Variants in TBC1D19 observed in about 807,000 individuals in gnomAD.
TBC1D19 encodes TBC1 domain family member 19.
TBC1D19 carries 60 observed loss-of-function variants against 89.0 expected under a neutral mutation model. The observed-to-expected ratio is 0.67, with a 90% CI of 0.55 to 0.84. TBC1D19 has a LOEUF of 0.84. Among genes scored for constraint, TBC1D19 ranks in the 40% least tolerant of loss-of-function variants. TBC1D19 has a pLI of 0.00. For missense variants in TBC1D19, 500 were observed against 610.8 expected (o/e 0.82, Z 1.91); for synonymous variants, 189 against 199.7 (o/e 0.95, Z 0.45).
At chr4:26,715,584 C>T (rs1290116758) in intron 13 of TBC1D19, among the ~76,000 whole-genome samples, 1 of 152,080 alleles carries the variant, frequency 6.6e-6, no homozygotes, top group Non-Finnish European at 1.5e-5. Context: ...ATGAAACCCT[C>T]AGCCAATGCT....
At chr4:26,817,517 G>A in the TBC1D19 span, among the ~76,000 whole-genome samples, 47 of 152,264 alleles carry the variant, frequency 3.1e-4, no homozygotes, top group African/African-American at 1.1e-3. Context: ...CATCTGTGAA[G>A]CTAGGCAGTC....
At chr4:26,804,631 C>T in the TBC1D19 span, among the ~76,000 whole-genome samples, 2 of 152,120 alleles carry the variant, frequency 1.3e-5, no homozygotes, top group Non-Finnish European at 2.9e-5. Context: ...CCCCACCGGG[C>T]GCAGCCCAGG....
At chr4:26,817,981 A>AAAATATATATAT in the TBC1D19 span, among the ~76,000 whole-genome samples, 16 of 126,046 alleles carry the variant, frequency 1.3e-4, no homozygotes, top group African/African-American at 5.9e-4. Flanking sequence ...AAAAAAAAAA[A>AAAATATATATAT]ATATATATAT....
intron 4 of TBC1D19, among the ~76,000 whole-genome samples, chr4:26,622,616 T>G (rs1181163874): frequency 6.6e-6 from 1 of 152,160 alleles, no homozygotes; most frequent in Non-Finnish European, 1.5e-5. Flanking sequence ...AAACTAGGAA[T>G]TTTATTTTTA....
chr4:26,630,436 A>G (rs1042304837), intron 4 of TBC1D19, among the ~76,000 whole-genome samples: 12 of 151,986 alleles, frequency 7.9e-5, no homozygotes, highest in Admixed American at 2.0e-4. Context: ...CCATCTATTT[A>G]TTTATTTTGG....
the TBC1D19 span, among the ~76,000 whole-genome samples, chr4:26,798,893 G>C: frequency 1.3e-5 from 2 of 151,964 alleles, no homozygotes; most frequent in African/African-American, 4.8e-5. Flanking sequence ...AGGGTAGAAG[G>C]GGGGATGAGG....
At chr4:26,751,419 A>G (rs1284793663) in intron 19 of TBC1D19, among the ~76,000 whole-genome samples, 1 of 152,264 alleles carries the variant, frequency 6.6e-6, no homozygotes, top group African/African-American at 2.4e-5. Context: ...AACTGCTAAA[A>G]TGCCTGCACT....
intron 4 of TBC1D19, among the ~76,000 whole-genome samples, chr4:26,632,027 G>A (rs1742833810): frequency 6.6e-6 from 1 of 152,022 alleles, no homozygotes; most frequent in East Asian, 1.9e-4. Context: ...ACCTGAATGA[G>A]CTGTTTTTGC....
intron 18 of TBC1D19, among the ~76,000 whole-genome samples, chr4:26,746,232 A>G (rs1029716140): frequency 3.8e-5 from 5 of 131,990 alleles, no homozygotes; most frequent in Non-Finnish European, 8.1e-5. Flanking sequence ...TTGCAGGTCT[A>G]TTTTTTTTTT....
At chr4:26,732,802 C>CTA (rs1228091269) in intron 15 of TBC1D19, among the ~76,000 whole-genome samples, 1 of 152,112 alleles carries the variant, frequency 6.6e-6, no homozygotes, top group Non-Finnish European at 1.5e-5. Flanking sequence ...CGATTTAGAG[C>CTA]ACAGGTGAAG....
chr4:26,616,414 G>C (rs528711068), intron 3 of TBC1D19, among the ~76,000 whole-genome samples: 1 of 152,264 alleles, frequency 6.6e-6, no homozygotes, highest in African/African-American at 2.4e-5. Context: ...TTTTCATATG[G>C]AAGTGCACAT....
chr4:26,826,718 A>G, the TBC1D19 span, among the ~76,000 whole-genome samples: 2 of 152,212 alleles, frequency 1.3e-5, no homozygotes, highest in African/African-American at 4.8e-5. Flanking sequence ...AAGGTCTATA[A>G]CTGTTGGCGA....
rs548289443 is a variant in TBC1D19 at position 26,755,049 on chromosome 4, C to G, written c.*102C>G. 3.7e-5 allele frequency: 38 copies of G among 1,020,868 alleles called. 1 individual carries two copies. In the Middle Eastern group the frequency reaches 1.7e-3, roughly 46 times the overall value. 63.2% of individuals were successfully genotyped at this position (1,020,868 alleles called of 1,614,324 possible). A position where few individuals can be genotyped will look rare whatever the true frequency, so the allele number is the denominator to read the frequency against. ...ACCAAAATGAAACTTTGCATATAAGCCAATAAAGATCATGTTCCCTCTTCA... is the reference window on the plus strand; with the variant it reads ...ACCAAAATGAAACTTTGCATATAAGGCAATAAAGATCATGTTCCCTCTTCA... On this transcript the variant is annotated 3_prime_UTR_variant, in exon 21 of 21. Transcript: ENST00000264866.
intron 15 of TBC1D19, among the ~76,000 whole-genome samples, chr4:26,729,539 G>A (rs1034147039): frequency 1.1e-4 from 16 of 152,218 alleles, no homozygotes; most frequent in African/African-American, 3.9e-4. Flanking sequence ...ATCAGGAAAT[G>A]TTTGTCTGAG....
chr4:26,805,541 T>C, the TBC1D19 span, among the ~76,000 whole-genome samples: 1 of 152,194 alleles, frequency 6.6e-6, no homozygotes, highest in African/African-American at 2.4e-5. Flanking sequence ...TCCTCAGTCC[T>C]CAGTCACTCA....
intron 15 of TBC1D19, among the ~76,000 whole-genome samples, chr4:26,729,680 G>A (rs1717529990): frequency 6.6e-6 from 1 of 152,178 alleles, no homozygotes; most frequent in African/African-American, 2.4e-5. Context: ...AGAGTATGGA[G>A]TTAGGATAGT....
intron 1 of TBC1D19, chr4:26,576,976 T>C (rs1738987636): frequency 7.4e-6 from 3 of 403,180 alleles, no homozygotes; most frequent in Non-Finnish European, 5.0e-6. Context: ...GAAAAACATT[T>C]ACAGTCAGTT....
the TBC1D19 span, among the ~76,000 whole-genome samples, chr4:26,778,512 T>G: frequency 2.6e-5 from 4 of 152,086 alleles, no homozygotes; most frequent in South Asian, 4.2e-4. Context: ...ATTATATAAT[T>G]TATTCAAGAT....
At chr4:26,642,385 A>C (rs896297945) in intron 7 of TBC1D19, among the ~76,000 whole-genome samples, 4 of 152,226 alleles carry the variant, frequency 2.6e-5, no homozygotes, top group African/African-American at 9.6e-5. Flanking sequence ...ATACTGAGAA[A>C]TTTTGTCACC....
Sources: gnomAD v4.1 joint callset for allele counts (sites outside exome capture counted in the v4.1 genomes callset) on GRCh38, gnomAD v4.1.1 for gene constraint, MANE v1.5 for transcripts, NCBI Gene and HGNC (gene_info 2026-07-23, HGNC 2026-07-21) for gene names.